The following ADGRL2 variants were observed in gnomAD, a reference collection of about 807,000 sequenced individuals.
The protein encoded by ADGRL2 is adhesion G protein-coupled receptor L2.
A neutral mutation model predicts 157.4 loss-of-function variants in ADGRL2; 44 were observed. That is an observed-to-expected ratio of 0.28 (90% CI 0.22 to 0.36). The LOEUF (loss-of-function observed/expected upper bound fraction) is 0.36, where lower values mean the gene tolerates loss of function less well. Among genes scored for constraint, ADGRL2 ranks in the 10% least tolerant of loss-of-function variants. The pLI is 1.00. For missense variants in ADGRL2, 1,510 were observed against 1,768.9 expected (o/e 0.85, Z 2.63); for synonymous variants, 585 against 624.7 (o/e 0.94, Z 0.95).
At chr1:81,752,282 C>T (rs532229085) in intron 1 of ADGRL2, among the ~76,000 whole-genome samples, 1 of 152,160 alleles carries the variant, frequency 6.6e-6, no homozygotes, top group Non-Finnish European at 1.5e-5. Flanking sequence ...GACTTCCCTG[C>T]CTCCAGAACT....
intron 3 of ADGRL2, among the ~76,000 whole-genome samples, chr1:81,931,432 A>G (rs1557938065): frequency 6.6e-6 from 1 of 152,182 alleles, no homozygotes; most frequent in Non-Finnish European, 1.5e-5. Context: ...AATTGTAGTC[A>G]GAAAGTTGCA....
chr1:81,696,223 A>ATT (rs904144516), upstream of ADGRL2, among the ~76,000 whole-genome samples: 1 of 151,466 alleles, frequency 6.6e-6, no homozygotes, highest in Non-Finnish European at 1.5e-5. Context: ...GGCTATGTAG[A>ATT]TTTTTTTTTC....
chr1:81,742,246 CAT>C (rs938039766), intron 1 of ADGRL2, among the ~76,000 whole-genome samples: 16 of 152,070 alleles, frequency 1.1e-4, no homozygotes, highest in African/African-American at 3.9e-4. Context: ...TCTATAAAAA[CAT>C]ATGAAATATA....
chr1:81,666,065 A>G (rs2082744738), intron 3 of ADGRL2, among the ~76,000 whole-genome samples: 2 of 152,204 alleles, frequency 1.3e-5, no homozygotes, highest in African/African-American at 2.4e-5. Flanking sequence ...AGCAAGCACA[A>G]TCCAGTAAAG....
intron 1 of ADGRL2, among the ~76,000 whole-genome samples, chr1:81,408,981 G>T (rs1187813362): frequency 6.6e-6 from 1 of 152,182 alleles, no homozygotes; most frequent in African/African-American, 2.4e-5. Flanking sequence ...CTCCAGTTCT[G>T]TTAGAAGCAA....
intron 2 of ADGRL2, among the ~76,000 whole-genome samples, chr1:81,495,914 T>C (rs917740659): frequency 3.9e-5 from 6 of 152,174 alleles, no homozygotes; most frequent in African/African-American, 1.4e-4. Context: ...AAACATCCAT[T>C]GCTCTTTGTC....
intron 2 of ADGRL2, among the ~76,000 whole-genome samples, chr1:81,460,620 T>C (rs2077906127): frequency 6.6e-6 from 1 of 152,190 alleles, no homozygotes; most frequent in Non-Finnish European, 1.5e-5. Context: ...GCAGCATGGC[T>C]TGCAGAATTT....
intron 3 of ADGRL2, among the ~76,000 whole-genome samples, chr1:81,674,805 A>C (rs2148929786): frequency 6.6e-6 from 1 of 152,206 alleles, no homozygotes; most frequent in East Asian, 1.9e-4. Flanking sequence ...TTGTAGAATA[A>C]GGGAATATTT....
chr1:81,802,293 G>A (rs1039515137), intron 1 of ADGRL2, among the ~76,000 whole-genome samples: 2 of 152,048 alleles, frequency 1.3e-5, no homozygotes, highest in South Asian at 2.1e-4. Context: ...TTTGCTTTGC[G>A]CCTCCAGTCC....
intron 2 of ADGRL2, among the ~76,000 whole-genome samples, chr1:81,580,356 G>A (rs568438663): frequency 2.6e-5 from 4 of 152,122 alleles, no homozygotes; most frequent in South Asian, 2.1e-4. Context: ...ACTGTGTCTC[G>A]GGGGCTGCCT....
At chr1:81,720,550 T>C (rs17458695) in intron 1 of ADGRL2, among the ~76,000 whole-genome samples, 46,984 of 151,988 alleles carry the variant, frequency 0.31, 7,656 homozygotes, top group Admixed American at 0.43. Context: ...CTGTTTCTTC[T>C]GACCATCAAA....
At chr1:81,502,493 C>G in intron 2 of ADGRL2, 1 of 1,614,028 alleles carries the variant, frequency 6.2e-7, no homozygotes, top group Non-Finnish European at 8.5e-7. Context: ...CCCCATCAAC[C>G]GAATCCCCAT....
At chr1:81,558,616 A>G (rs2080368481) in intron 2 of ADGRL2, among the ~76,000 whole-genome samples, 1 of 152,046 alleles carries the variant, frequency 6.6e-6, no homozygotes. Flanking sequence ...TGCCTCAGCT[A>G]TTGAAATTTG....
chr1:81,939,744 A>G (rs1403279413), intron 4 of ADGRL2, among the ~76,000 whole-genome samples: 1 of 151,448 alleles, frequency 6.6e-6, no homozygotes, highest in Non-Finnish European at 1.5e-5. Context: ...CATGTGATAG[A>G]GAATACTGAT....
chr1:81,481,018 C>T (rs552244920), intron 2 of ADGRL2, among the ~76,000 whole-genome samples: 8 of 152,242 alleles, frequency 5.3e-5, no homozygotes, highest in Admixed American at 2.0e-4. Flanking sequence ...ATCAATAAAA[C>T]TACTCATTGG....
intron 3 of ADGRL2, among the ~76,000 whole-genome samples, chr1:81,643,393 G>A (rs532868285): frequency 6.6e-6 from 1 of 152,084 alleles, no homozygotes; most frequent in Non-Finnish European, 1.5e-5. Flanking sequence ...GCTCACTGCA[G>A]CCTTGAACTC....
intron 1 of ADGRL2, chr1:81,427,171 T>A: frequency 9.9e-7 from 1 of 1,008,680 alleles, no homozygotes; most frequent in Non-Finnish European, 1.6e-6. Context: ...GAGGAAACTT[T>A]CGAGGTGGTG....
At chr1:81,722,897 G>A in intron 1 of ADGRL2, 1 of 726,240 alleles carries the variant, frequency 1.4e-6, no homozygotes, top group Admixed American at 1.8e-5. Flanking sequence ...CAGAATGCCT[G>A]GACTCAATGA....
At chr1:81,310,542 G>A (rs1659671853) in intron 1 of ADGRL2, among the ~76,000 whole-genome samples, 1 of 152,172 alleles carries the variant, frequency 6.6e-6, no homozygotes, top group Non-Finnish European at 1.5e-5. Flanking sequence ...AATTTTGATT[G>A]TATTCTGTGA....
Sources: gnomAD v4.1 joint callset for allele counts (sites outside exome capture counted in the v4.1 genomes callset) on GRCh38, gnomAD v4.1.1 for gene constraint, MANE v1.5 for transcripts, NCBI Gene and HGNC (gene_info 2026-07-23, HGNC 2026-07-21) for gene names.